SMURF2: variants seen among roughly 807,000 people sequenced by gnomAD.
SMURF2 encodes the protein SMAD specific E3 ubiquitin protein ligase 2.
SMURF2 carries 48 observed loss-of-function variants against 109.6 expected under a neutral mutation model. That is an observed-to-expected ratio of 0.44 (90% CI 0.35 to 0.56). The LOEUF (loss-of-function observed/expected upper bound fraction) is 0.56. SMURF2 is among the 20% of genes least tolerant of loss of function. SMURF2 has a pLI of 0.01. For missense variants in SMURF2, 575 were observed against 909.0 expected (o/e 0.63, Z 4.72); for synonymous variants, 288 against 317.1 (o/e 0.91, Z 0.97).
intron 1 of SMURF2, among the ~76,000 whole-genome samples, chr17:64,612,035 G>C (rs1970051495): frequency 6.6e-6 from 1 of 152,024 alleles, no homozygotes; most frequent in Non-Finnish European, 1.5e-5. Flanking sequence ...TCATCTCCTG[G>C]TCTCAAAAGG....
chr17:64,613,726 G>GTGTGTA (rs1970080048), intron 1 of SMURF2, among the ~76,000 whole-genome samples: 5 of 146,470 alleles, frequency 3.4e-5, no homozygotes, highest in African/African-American at 1.3e-4. Context: ...GTGTGTGTGT[G>GTGTGTA]TGTGTGTGTG....
In SMURF2 at chr17:64,661,845, G is replaced by T. The variant is rs1970782535; in HGVS notation, c.36C>A (p.Val12=). ...SNPGGRRNGP[V]KLRLTVLCAK... is the part of the protein sequence containing the mutation. ...CCCCCTCACCTGTCAGGCGCAGCTT[G>T]ACGGGCCCGTTCCTCCGGCCTCCGG... is the stretch of plus-strand genomic sequence containing the variant. Residue 12 remains valine, a synonymous_variant, in exon 1 of 19, where the codon GTC becomes GTA. Transcript: ENST00000262435. The T allele has an allele frequency of 1.6e-6, 2 of 1,221,220 alleles. No homozygotes were observed. Among genetic ancestry groups the T allele is most frequent in the Non-Finnish European group, 2.0e-6 (2 of 981,332 alleles). 75.6% of individuals were successfully genotyped at this position (1,221,220 alleles called of 1,614,324 possible).
At chr17:64,583,665 A>C in intron 6 of SMURF2, 121 bp from the exon 7 acceptor site, 2 of 675,360 alleles carry the variant, frequency 3.0e-6, no homozygotes, top group Admixed American at 5.3e-5. Context: ...ATCAATTCAC[A>C]GAATATATAA....
rs28599750 is a variant in SMURF2 at position 64,658,657 on chromosome 17, A to C, written c.52+3172T>G. On this transcript the variant is annotated intron_variant, in intron 1 of 18. Transcript: ENST00000262435. The stretch of plus-strand genomic sequence containing the variant: ...AATCTTATTCTGCTTCTCCATACCT[A>C]AGAATTTAAAATATTAGAAATTACA... Among the ~76,000 whole-genome samples, 1,397 of 152,314 alleles carry C rather than the reference A, an allele frequency of 9.2e-3. 27 individuals carry two copies. The highest frequency in any genetic ancestry group is 0.032 in the African/African-American group (1,320 of 41,564).
rs972445599 is a variant in SMURF2, at chr17:64,544,387, A to G, written c.*1461T>C. The stretch of plus-strand genomic sequence containing the variant: ...AGAACACAGAGGACCTATTTACTTG[A>G]TAACTTTAAATTTTGCAGCTTAATT... On this transcript the variant is annotated 3_prime_UTR_variant, in exon 19 of 19. Coordinates refer to ENST00000262435, the MANE Select transcript of SMURF2 (RefSeq NM_022739.4). 2.6e-5 allele frequency: 4 copies of G among 152,184 alleles called. No homozygotes were observed. Among genetic ancestry groups the G allele is most frequent in the Non-Finnish European group, 5.9e-5 (4 of 68,032 alleles). 9.4% of individuals were successfully genotyped at this position (152,184 alleles called of 1,614,324 possible).
chr17:64,585,997 T>G (rs1969645669), intron 6 of SMURF2, 89 bp downstream of exon 6: 1 of 759,488 alleles, frequency 1.3e-6, no homozygotes, highest in African/African-American at 1.8e-5. Context: ...ATAAACACCA[T>G]TTAATATACA....
intron 1 of SMURF2, among the ~76,000 whole-genome samples, chr17:64,617,838 A>C (rs1555690251): frequency 6.6e-6 from 1 of 152,174 alleles, no homozygotes; most frequent in East Asian, 1.9e-4. Flanking sequence ...ACTACTTAAA[A>C]ATTTTTTTTC....
intron 1 of SMURF2, among the ~76,000 whole-genome samples, chr17:64,609,602 C>A (rs1970015554): frequency 6.7e-6 from 1 of 149,626 alleles, no homozygotes. Context: ...TCCTTCCTTA[C>A]ACCTTATACA....
At chr17:64,591,953 A>C (rs1337848825) in intron 4 of SMURF2, among the ~76,000 whole-genome samples, 1 of 152,242 alleles carries the variant, frequency 6.6e-6, no homozygotes, top group Non-Finnish European at 1.5e-5. Flanking sequence ...AAATTAATAC[A>C]ATGAAGCAGT....
At chr17:64,546,791 T>C (rs1416335754) in intron 17 of SMURF2, among the ~76,000 whole-genome samples, 1 of 152,212 alleles carries the variant, frequency 6.6e-6, no homozygotes, top group Non-Finnish European at 1.5e-5. Context: ...GCACCCCATA[T>C]AAATACATGT....
At position 64,547,045 on chromosome 17, in the gene SMURF2, A is replaced by G. The variant is rs1000716773; in HGVS notation, c.2071+555T>C. 5.9e-5 allele frequency among the ~76,000 whole-genome samples: 9 copies of G among 152,244 alleles called. No homozygotes were observed. Among genetic ancestry groups the G allele is most frequent in the African/African-American group, 1.4e-4 (6 of 41,470 alleles). On this transcript the variant is annotated intron_variant, in intron 17 of 18. Transcript: ENST00000262435. The surrounding 1 kb of genome is among the most constrained non-coding windows in gnomAD (Gnocchi z 4.2). ...AACTGCCACCCAGTGAAGCACCACA[A>G]TCATTAGCAATATTACCAGCTCCTC...
At position 64,579,748 on chromosome 17, in the gene SMURF2, G is replaced by C. The variant is rs539885768; in HGVS notation, c.772+1041C>G. 9.2e-5 allele frequency among the ~76,000 whole-genome samples: 14 copies of C among 152,294 alleles called. No individual in the cohort carries two copies. In the East Asian group the frequency reaches 1.5e-3, roughly 17 times the overall value. On this transcript the variant is annotated intron_variant, in intron 8 of 18. Coordinates refer to ENST00000262435, the MANE Select transcript of SMURF2 (RefSeq NM_022739.4). Reference sequence around the variant, plus strand: ...CTTGCAACAAACCTAGATGGTTGGTGCTGTTATTTTCCTCTATAGAGGATA... The same window carrying C: ...CTTGCAACAAACCTAGATGGTTGGTCCTGTTATTTTCCTCTATAGAGGATA...
chr17:64,626,463 G>A (rs1970270495), intron 1 of SMURF2, among the ~76,000 whole-genome samples: 1 of 151,858 alleles, frequency 6.6e-6, no homozygotes, highest in African/African-American at 2.4e-5. Flanking sequence ...GGAAGATTCT[G>A]TTTTAAAAAC....
At position 64,545,961 on chromosome 17, in the gene SMURF2, A is replaced by G; in HGVS notation, c.2148-14T>C. On this transcript the variant is annotated splice_polypyrimidine_tract_variant and intron_variant, in intron 18 of 18. Transcript: ENST00000262435. ...ATTCGATTGAAGCTGTGAATAAGCA[A>G]ATCAAATTTTATACAGTTCATTCAA... is the stretch of plus-strand genomic sequence containing the variant. 1.3e-6 allele frequency: 2 copies of G among 1,526,534 alleles called. No homozygotes were observed. The highest frequency in any genetic ancestry group is 2.2e-5 in the East Asian group (1 of 44,486). The allele number at this position is 1,526,534 out of a possible 1,614,324, so 94.6% of individuals were successfully genotyped here.
chr17:64,574,586 G>C lies in SMURF2; in HGVS notation c.858-2630C>G, dbSNP rs377567636. Among the ~76,000 whole-genome samples, 5 of 152,062 alleles carry C rather than the reference G, an allele frequency of 3.3e-5. No homozygotes were observed. The East Asian group carries it at 5.8e-4, about 18-fold the overall frequency. On this transcript the variant is annotated intron_variant, in intron 9 of 18. Transcript: ENST00000262435. ...ATATTTATAGTATACTTTCATAAAA[G>C]ATCTTCCATACAAAAGGCATATTTG...
Position 64,598,489 on chromosome 17 carries a change from T to C in SMURF2, c.93A>G (p.Arg31=). Residue 31 remains arginine, a splice_region_variant and synonymous_variant, in exon 3 of 19, where the codon CGA becomes CGG. Transcript: ENST00000262435. ...AKNLVKKDFF[R]LPDPFAKVVV... is the part of the protein sequence containing the mutation. ...CCACCTTAGCAAATGGATCAGGAAG[T>C]CCTGTGAAAAAAGATTTTCTAAAAT... is the stretch of plus-strand genomic sequence containing the variant. 3.1e-6 allele frequency: 5 copies of C among 1,594,752 alleles called. No homozygotes were observed. Among genetic ancestry groups the C allele is most frequent in the Non-Finnish European group, 4.3e-6 (5 of 1,173,444 alleles).
intron 10 of SMURF2, among the ~76,000 whole-genome samples, chr17:64,567,148 A>G (rs1969326061): frequency 2.0e-5 from 3 of 152,146 alleles, no homozygotes; most frequent in Admixed American, 6.5e-5. Flanking sequence ...GTGAGCCACC[A>G]TGCCCAGCCT....
At chr17:64,610,248 C>T (rs2144680547) in intron 1 of SMURF2, among the ~76,000 whole-genome samples, 1 of 152,256 alleles carries the variant, frequency 6.6e-6, no homozygotes, top group East Asian at 1.9e-4. Flanking sequence ...CCAGCAATTC[C>T]ATTACTGGGT....
chr17:64,572,725 A>G (rs1342166156), intron 9 of SMURF2: 1 of 152,316 alleles, frequency 6.6e-6, no homozygotes, highest in Non-Finnish European at 1.5e-5. Flanking sequence ...GCCTGCCCAG[A>G]GAGGGCATGG....
Sources: gnomAD v4.1 joint callset for allele counts (sites outside exome capture counted in the v4.1 genomes callset) on GRCh38, gnomAD v4.1.1 for gene constraint, Gnocchi (gnomAD v3.1) non-coding constraint, MANE v1.5 for transcripts, NCBI Gene and HGNC (gene_info 2026-07-23, HGNC 2026-07-21) for gene names.